The following CDH13 variants were observed in gnomAD, a reference collection of about 807,000 sequenced individuals.
The protein encoded by CDH13 is cadherin-13.
Under a neutral mutation model 63.8 loss-of-function variants are expected in CDH13, and 24 were observed. That is an observed-to-expected ratio of 0.38 (90% CI 0.27 to 0.53). The LOEUF is 0.53. Among genes scored for constraint, CDH13 ranks in the 20% least tolerant of loss-of-function variants. CDH13 has a pLI of 0.85. For missense variants in CDH13, 1,049 were observed against 903.1 expected (o/e 1.16, Z -2.07); for synonymous variants, 503 against 355.3 (o/e 1.42, Z -4.67).
intron 5 of CDH13, among the ~76,000 whole-genome samples, chr16:83,220,470 T>C (rs190326381): frequency 6.6e-6 from 1 of 152,226 alleles, no homozygotes; most frequent in Admixed American, 6.5e-5. Context: ...GGTCTCCAAA[T>C]CCTCACATTT....
At chr16:82,750,128 G>A (rs1169054763) in intron 1 of CDH13, among the ~76,000 whole-genome samples, 2 of 152,166 alleles carry the variant, frequency 1.3e-5, no homozygotes, top group African/African-American at 2.4e-5. Context: ...TAAGTTGAGC[G>A]GGGTGCTTTT....
At chr16:82,725,911 T>C (rs1235395009) in intron 1 of CDH13, among the ~76,000 whole-genome samples, 1 of 152,144 alleles carries the variant, frequency 6.6e-6, no homozygotes, top group Non-Finnish European at 1.5e-5. Flanking sequence ...GGCCTGAGGT[T>C]ATGTGGCAGA....
rs74031913 is a variant in CDH13, at chr16:83,254,692, A to G, written c.636+37195A>G. On this transcript the variant is annotated intron_variant, in intron 5 of 13. Transcript: ENST00000567109. ...ATGTGGGGTATAAATAAATTTTTAA[A>G]AAGTTGAACCTTGAATCTGTTCAAT... 8.8e-3 allele frequency among the ~76,000 whole-genome samples: 1,338 copies of G among 152,326 alleles called. 13 individuals are homozygous for G. The highest frequency in any genetic ancestry group is 0.03 in the African/African-American group (1,264 of 41,570).
At chr16:83,028,152 G>T (rs1426770579) in intron 2 of CDH13, among the ~76,000 whole-genome samples, 1 of 152,212 alleles carries the variant, frequency 6.6e-6, no homozygotes, top group African/African-American at 2.4e-5. Flanking sequence ...GCTGGCGATT[G>T]AAGCAGTCAT....
chr16:83,069,632 C>G (rs974506287), intron 3 of CDH13, among the ~76,000 whole-genome samples: 7 of 152,136 alleles, frequency 4.6e-5, no homozygotes, highest in Non-Finnish European at 8.8e-5. Context: ...GCCATGCTGC[C>G]TCTCAGAAAG....
intron 3 of CDH13, among the ~76,000 whole-genome samples, chr16:83,080,700 C>A: frequency 6.6e-6 from 1 of 152,054 alleles, no homozygotes; most frequent in East Asian, 1.9e-4. Context: ...TGATCAGAAA[C>A]AAGTATATCC....
intron 3 of CDH13, among the ~76,000 whole-genome samples, chr16:83,089,022 C>G (rs993214144): frequency 3.9e-5 from 6 of 152,256 alleles, no homozygotes; most frequent in African/African-American, 7.2e-5. Flanking sequence ...ATTACAATGC[C>G]TAAAATATTT....
At chr16:83,276,082 C>T (rs144238341) in intron 5 of CDH13, among the ~76,000 whole-genome samples, 1 of 152,162 alleles carries the variant, frequency 6.6e-6, no homozygotes, top group African/African-American at 2.4e-5. Context: ...GATCATAGCA[C>T]ATCAGGATTG....
At chr16:83,645,558 A>G (rs1369287553) in intron 8 of CDH13, among the ~76,000 whole-genome samples, 1 of 151,576 alleles carries the variant, frequency 6.6e-6, no homozygotes, top group Non-Finnish European at 1.5e-5. Flanking sequence ...ATCTAAAATA[A>G]AATAATTTTT....
At chr16:82,999,024 A>G (rs913305410) in intron 2 of CDH13, among the ~76,000 whole-genome samples, 3 of 152,068 alleles carry the variant, frequency 2.0e-5, no homozygotes, top group African/African-American at 7.2e-5. Flanking sequence ...CCCTTCAGAC[A>G]CCAAAACGCG....
chr16:82,895,383 C>A (rs1299529171), intron 2 of CDH13, among the ~76,000 whole-genome samples: 1 of 152,334 alleles, frequency 6.6e-6, no homozygotes, highest in African/African-American at 2.4e-5. Flanking sequence ...CCACCATCCC[C>A]TCATCATCTG....
At chr16:83,303,625 A>G (rs1020004017) in intron 5 of CDH13, among the ~76,000 whole-genome samples, 1 of 152,084 alleles carries the variant, frequency 6.6e-6, no homozygotes, top group African/African-American at 2.4e-5. Context: ...TTTGCTGGGT[A>G]TGGTTTGTAG....
chr16:83,747,097 AT>A (rs1912651699), intron 10 of CDH13, among the ~76,000 whole-genome samples: 1 of 152,224 alleles, frequency 6.6e-6, no homozygotes, highest in African/African-American at 2.4e-5. Context: ...TTCAACAAAT[AT>A]TTAGTGTCGC....
chr16:83,710,611 C>A (rs1382164598), intron 10 of CDH13: 1 of 151,964 alleles, frequency 6.6e-6, no homozygotes. Flanking sequence ...GCACAGAAAC[C>A]CAGATTCCTC....
chr16:82,632,115 C>A (rs566224450), intron 1 of CDH13, among the ~76,000 whole-genome samples: 20 of 152,284 alleles, frequency 1.3e-4, no homozygotes, highest in African/African-American at 4.3e-4. Flanking sequence ...CCGTACTTGA[C>A]AGGGCTGAGT....
chr16:82,797,774 CGTGTGTGTGTGTGTGTGTGTGT>C (rs3046484), intron 1 of CDH13, among the ~76,000 whole-genome samples: 1 of 145,554 alleles, frequency 6.9e-6, no homozygotes, highest in Non-Finnish European at 1.5e-5. Context: ...ACTTTAGGGC[CGTGTGTGTGTGTGTGTGTGTGT>C]GTGTGTGTGT....
intron 11 of CDH13, among the ~76,000 whole-genome samples, chr16:83,750,740 G>A (rs1251579520): frequency 1.3e-5 from 2 of 152,158 alleles, no homozygotes; most frequent in East Asian, 1.9e-4. Context: ...CTGGGGGAGA[G>A]GCTGGGAGGA....
intron 2 of CDH13, among the ~76,000 whole-genome samples, chr16:82,950,803 A>G (rs947551304): frequency 4.2e-5 from 6 of 143,076 alleles, no homozygotes; most frequent in Non-Finnish European, 7.6e-5. Flanking sequence ...TAGAACTCCC[A>G]CATCTTTTTT....
At chr16:83,257,008 T>G (rs147379845) in intron 5 of CDH13, among the ~76,000 whole-genome samples, 4 of 152,126 alleles carry the variant, frequency 2.6e-5, no homozygotes, top group Non-Finnish European at 4.4e-5. Flanking sequence ...CTCATTGCCC[T>G]TGGGATTTGT....
Sources: gnomAD v4.1 joint callset for allele counts (sites outside exome capture counted in the v4.1 genomes callset) on GRCh38, gnomAD v4.1.1 for gene constraint, MANE v1.5 for transcripts, NCBI Gene and HGNC (gene_info 2026-07-23, HGNC 2026-07-21) for gene names.